The following TMEM68 variants were observed in gnomAD, a reference collection of about 807,000 sequenced individuals.
TMEM68 encodes the protein DGAT1/2-independent enzyme synthesizing storage lipids.
In TMEM68, 25 loss-of-function variants were observed where a neutral mutation model predicts 36.9. The observed-to-expected ratio is 0.68, with a 90% CI of 0.49 to 0.95. The LOEUF (loss-of-function observed/expected upper bound fraction) is 0.95. Among genes scored for constraint, TMEM68 ranks in the 40% least tolerant of loss-of-function variants. The pLI, the probability that TMEM68 is intolerant of heterozygous loss-of-function variation, is 0.00. For synonymous variants in TMEM68, 131 were observed against 124.4 expected, an observed-to-expected ratio of 1.05 and a Z score of -0.35; for missense variants, 333 against 392.0, an observed-to-expected ratio of 0.85 and a Z score of 1.27.
In TMEM68 at chr8:55,746,317, C is replaced by CAAAAAAAAAAAA. The variant is rs376241142; in HGVS notation, c.688-1208_688-1197dup. Reference sequence around the variant, plus strand: ...GGCAATAGAGCGAGACACTGTCTCCCAAAAAAAAAAAAAAAAAAAAAAAAG... The same window carrying CAAAAAAAAAAAA: ...GGCAATAGAGCGAGACACTGTCTCCCAAAAAAAAAAAAAAAAAAAAAAAAAAAAAAAAAAAAG... On this transcript the variant is annotated intron_variant, in intron 5 of 7. Coordinates refer to ENST00000434581, the MANE Select transcript of TMEM68 (RefSeq NM_001286657.2). 71 of 57,196 alleles carry CAAAAAAAAAAAA rather than the reference C, an allele frequency of 1.2e-3. 9 individuals are homozygous for CAAAAAAAAAAAA. The highest frequency in any genetic ancestry group is 4.9e-3 in the African/African-American group (64 of 13,044). 3.5% of individuals were successfully genotyped at this position (57,196 alleles called of 1,614,324 possible).
chr8:55,742,024 G>A lies in TMEM68; in HGVS notation c.888+1457C>T, dbSNP rs143240781. Among the ~76,000 whole-genome samples, 76 of 152,218 alleles carry A rather than the reference G, an allele frequency of 5.0e-4. 1 individual carries two copies. In the Middle Eastern group the frequency reaches 0.014, roughly 27 times the overall value. The stretch of plus-strand genomic sequence containing the variant: ...TGAGTCGAGACTGCACCACTGCACT[G>A]CAGCCAGGGTTACAGAGTAAGACTG... On this transcript the variant is annotated intron_variant, in intron 7 of 7. Transcript: ENST00000434581.
chr8:55,754,354 G>A (rs1283246851), intron 4 of TMEM68, among the ~76,000 whole-genome samples: 1 of 149,480 alleles, frequency 6.7e-6, no homozygotes, highest in Non-Finnish European at 1.5e-5. Flanking sequence ...GAACTACTTG[G>A]GAGGCTGAGG....
At chr8:55,769,655 C>CA (rs1356742503) in intron 1 of TMEM68, among the ~76,000 whole-genome samples, 1 of 151,446 alleles carries the variant, frequency 6.6e-6, no homozygotes, top group Admixed American at 6.6e-5. Flanking sequence ...TTTTTTGAGA[C>CA]AGAGTCTCAC....
At chr8:55,756,566 TTC>T (rs1810614962) in intron 3 of TMEM68, among the ~76,000 whole-genome samples, 155 bp from the exon 4 acceptor site, 1 of 152,206 alleles carries the variant, frequency 6.6e-6, no homozygotes, top group Non-Finnish European at 1.5e-5. Context: ...CCTCTTCTCT[TTC>T]TTTCTTGAAC....
At position 55,768,573 on chromosome 8, in the gene TMEM68, G is replaced by A. The variant is rs144722832; in HGVS notation, c.-114-4593C>T. The stretch of plus-strand genomic sequence containing the variant: ...TAAAAAAAAAATTTAGGCCAGGTGC[G>A]GTGGCTCACACCTGTAATCCCAACA... On this transcript the variant is annotated intron_variant, in intron 1 of 7. Transcript: ENST00000434581. Among the ~76,000 whole-genome samples the A allele has an allele frequency of 1.6e-3, 249 of 152,092 alleles. 3 individuals carry two copies. Among genetic ancestry groups the A allele is most frequent in the East Asian group, 6.8e-3 (35 of 5,174 alleles).
intron 3 of TMEM68, among the ~76,000 whole-genome samples, chr8:55,759,449 T>C (rs1012003180): frequency 6.7e-4 from 102 of 152,096 alleles, no homozygotes; most frequent in African/African-American, 2.3e-3. Context: ...CATGTGCCTA[T>C]AGTCCCAGCT....
At chr8:55,767,791 G>T (rs1042588455) in intron 1 of TMEM68, among the ~76,000 whole-genome samples, 10 of 152,102 alleles carry the variant, frequency 6.6e-5, no homozygotes, top group Non-Finnish European at 1.3e-4. Flanking sequence ...TACAAAATTA[G>T]CCGGGCGTGG....
In TMEM68 at chr8:55,740,070, T is replaced by C; in HGVS notation, c.*62A>G. 1.5e-6 allele frequency: 2 copies of C among 1,341,834 alleles called. No homozygotes were observed. The highest frequency in any genetic ancestry group is 2.1e-6 in the Non-Finnish European group (2 of 955,686). The allele number at this position is 1,341,834 out of a possible 1,614,324, so 83.1% of individuals were successfully genotyped here. A position where few individuals can be genotyped will look rare whatever the true frequency, so the allele number is the denominator to read the frequency against. The stretch of plus-strand genomic sequence containing the variant: ...AGGACCTACAAAATTCAGAAGACAG[T>C]ACCTTAGATACAAACATTTAATATA... On this transcript the variant is annotated 3_prime_UTR_variant, in exon 8 of 8. Transcript: ENST00000434581.
In TMEM68 at chr8:55,754,444, AATAT is replaced by A. The variant is rs769626273; in HGVS notation, c.493+1796_493+1799del. On this transcript the variant is annotated intron_variant, in intron 4 of 7. Coordinates refer to ENST00000434581, the MANE Select transcript of TMEM68 (RefSeq NM_001286657.2). The stretch of plus-strand genomic sequence containing the variant: ...GGTGACAGAGCAAGACTCTGTCTCG[AATAT>A]ATATATATATATATATATACACACA... Among the ~76,000 whole-genome samples the A allele has an allele frequency of 8.3e-4, 84 of 101,140 alleles. 1 individual carries two copies. Among genetic ancestry groups the A allele is most frequent in the South Asian group, 4.2e-3 (13 of 3,080 alleles). The allele number at this position is 101,140 out of a possible 152,430, so 66.4% of individuals were successfully genotyped here.
Position 55,762,734 on chromosome 8 carries a change from T to G in TMEM68, c.226A>C (p.Arg76=), listed in dbSNP as rs770898861. 38 of 1,614,008 alleles carry G rather than the reference T, an allele frequency of 2.4e-5. No homozygotes were observed. The highest frequency in any genetic ancestry group is 3.1e-5 in the Non-Finnish European group (37 of 1,179,952). ...TAGGCTTCTTTCAATACATTCTTTC[T>G]CTTATAAATGTGTAAGAAAATAATA... ...LTIIFLHIYK[R]KNVLKEAYSH... is the part of the protein sequence containing the mutation. The change falls in exon 3 of 8, where the codon AGA becomes CGA. Residue 76 remains arginine (R), a synonymous_variant. Transcript: ENST00000434581.
chr8:55,749,962 T>A (rs1467883651), intron 5 of TMEM68, among the ~76,000 whole-genome samples: 1 of 152,192 alleles, frequency 6.6e-6, no homozygotes, highest in Non-Finnish European at 1.5e-5. Flanking sequence ...CAGTCCTTCT[T>A]CCAAGCAATA....
At chr8:55,750,804 C>T (rs940086736) in intron 5 of TMEM68, 160 bp downstream of exon 5, 4 of 648,122 alleles carry the variant, frequency 6.2e-6, no homozygotes, top group Non-Finnish European at 7.5e-6. Flanking sequence ...TCCCAAAGTG[C>T]TGAGATTACA....
rs912131359 is a variant in TMEM68, at chr8:55,762,969, G to A, written c.-10C>T. ...GATTTTTGTCTATCATTTTTCTTCA[G>A]GTGAAAATGACAAATTCAGTTTCTT... On this transcript the variant is annotated 5_prime_UTR_variant, in exon 3 of 8. Transcript: ENST00000434581. The A allele has an allele frequency of 6.4e-7, 1 of 1,565,200 alleles. No homozygotes were observed. Among genetic ancestry groups the A allele is most frequent in the African/African-American group, 1.4e-5 (1 of 72,876 alleles).
Position 55,762,636 on chromosome 8 carries a change from A to C in TMEM68, c.324T>G (p.His108Gln), listed in dbSNP as rs762880799. Reference protein sequence around the residue: ...TLWDGHAAVWHGYEVHGMEKI... With the variant: ...TLWDGHAAVWQGYEVHGMEKI... ...AAAGGTGAAAGTATCCTTGCTTACCATGCCAAACGGCTGCATGTCCATCCC... is the reference window on the plus strand; with the variant it reads ...AAAGGTGAAAGTATCCTTGCTTACCCTGCCAAACGGCTGCATGTCCATCCC... The change falls in exon 3 of 8, where the codon CAT (histidine) becomes CAG (glutamine). Residue 108 changes from histidine (H) to glutamine (Q), a missense_variant and splice_region_variant. His to Gln is a conservative substitution (Grantham distance 24, BLOSUM62 0). Coordinates refer to ENST00000434581, the MANE Select transcript of TMEM68 (RefSeq NM_001286657.2). 1.2e-6 allele frequency: 2 copies of C among 1,614,196 alleles called. No individual in the cohort carries two copies. The highest frequency in any genetic ancestry group is 2.2e-5 in the South Asian group (2 of 91,078).
chr8:55,740,769 G>A (rs1039169903), intron 7 of TMEM68, among the ~76,000 whole-genome samples: 1 of 151,878 alleles, frequency 6.6e-6, no homozygotes, highest in Admixed American at 6.6e-5. Context: ...GTGTTGCTCA[G>A]GCTGGTCTCG....
chr8:55,745,241 C>T, intron 5 of TMEM68, 120 bp from the exon 6 acceptor site: 1 of 535,198 alleles, frequency 1.9e-6, no homozygotes, highest in East Asian at 3.4e-5. Flanking sequence ...TATGGCCATG[C>T]CACCCTGAAC....
chr8:55,747,894 A>G lies in TMEM68; in HGVS notation c.688-2773T>C, dbSNP rs1810330341. On this transcript the variant is annotated intron_variant, in intron 5 of 7. Coordinates refer to ENST00000434581, the MANE Select transcript of TMEM68 (RefSeq NM_001286657.2). ...ATACCATTTGCCACTTCCAACCAGT[A>G]TGGCTGGATTTATATCTACTGACTG... The G allele has an allele frequency of 5.3e-5, 8 of 152,320 alleles. 1 individual carries two copies. The South Asian group carries it at 1.7e-3, about 32-fold the overall frequency. The allele number at this position is 152,320 out of a possible 1,614,324, so 9.4% of individuals were successfully genotyped here.
At chr8:55,748,317 G>A (rs966262065) in intron 5 of TMEM68, among the ~76,000 whole-genome samples, 2 of 152,060 alleles carry the variant, frequency 1.3e-5, no homozygotes, top group Non-Finnish European at 2.9e-5. Context: ...ACAGGCATGT[G>A]CCACCACACC....
In TMEM68 at chr8:55,762,610, C is replaced by T. The variant is rs778364816; in HGVS notation, c.325+25G>A. Reference sequence around the variant, plus strand: ...AATGCAGCACACATGAATGGCAACACAAAGGTGAAAGTATCCTTGCTTACC... The same window carrying T: ...AATGCAGCACACATGAATGGCAACATAAAGGTGAAAGTATCCTTGCTTACC... On this transcript the variant is annotated intron_variant, in intron 3 of 7. Transcript: ENST00000434581. 4 of 1,613,798 alleles carry T rather than the reference C, an allele frequency of 2.5e-6. No homozygotes were observed. The East Asian group carries it at 6.7e-5, about 27-fold the overall frequency.
Sources: allele counts gnomAD v4.1 joint callset (sites outside exome capture counted in the v4.1 genomes callset), GRCh38; gene constraint gnomAD v4.1.1; transcripts MANE v1.5; gene names NCBI Gene and HGNC (gene_info 2026-07-23, HGNC 2026-07-21).